The following SLIT3 variants were observed in gnomAD, a reference collection of about 807,000 sequenced individuals.
The protein encoded by SLIT3 is slit guidance ligand 3.
SLIT3 carries 68 observed loss-of-function variants against 184.0 expected under a neutral mutation model. The ratio of observed to expected loss-of-function variants is 0.37; its 90% CI spans 0.30 to 0.45. The LOEUF (loss-of-function observed/expected upper bound fraction) is 0.45, where lower values mean the gene tolerates loss of function less well. Ranked by LOEUF, SLIT3 falls within the 20% of genes least tolerant of loss-of-function variation. The pLI is 1.00. For missense variants in SLIT3, 1,707 were observed against 2,026.0 expected (o/e 0.84, Z 3.02); for synonymous variants, 831 against 828.6 (o/e 1.00, Z -0.05).
intron 4 of SLIT3, among the ~76,000 whole-genome samples, chr5:169,189,553 TA>T (rs1763476559): frequency 4.5e-5 from 4 of 89,882 alleles, no homozygotes; most frequent in African/African-American, 1.8e-4. Context: ...TATATATATA[TA>T]TATATATATA....
Position 168,868,787 on chromosome 5 carries a change from A to G in SLIT3, c.485+14478T>C, listed in dbSNP as rs561664801. 2.0e-5 allele frequency among the ~76,000 whole-genome samples: 3 copies of G among 151,998 alleles called. No individual in the cohort carries two copies. In the South Asian group the frequency reaches 6.2e-4, roughly 32 times the overall value. On this transcript the variant is annotated intron_variant, in intron 5 of 35. Coordinates refer to ENST00000519560, the MANE Select transcript of SLIT3 (RefSeq NM_003062.4). ...AAAAAGAAAAAGAAAAAGAAAAAGAAAGGCAAAAATTATGGTTTGGTTAAG... is the reference window on the plus strand; with the variant it reads ...AAAAAGAAAAAGAAAAAGAAAAAGAGAGGCAAAAATTATGGTTTGGTTAAG...
intron 32 of SLIT3, among the ~76,000 whole-genome samples, chr5:168,676,717 G>A (rs1340613009): frequency 7.4e-6 from 1 of 135,242 alleles, no homozygotes; most frequent in East Asian, 2.2e-4. Flanking sequence ...CACCCTGGAG[G>A]TGTGTCAACA....
intron 4 of SLIT3, among the ~76,000 whole-genome samples, chr5:169,190,273 T>C (rs919991470): frequency 6.6e-6 from 1 of 152,248 alleles, no homozygotes; most frequent in African/African-American, 2.4e-5. Context: ...CCAGGATCTC[T>C]GAATTAGTGC....
intron 3 of SLIT3, 131 bp from the exon 4 acceptor site, chr5:169,193,681 G>A (rs1763638667): frequency 1.3e-6 from 1 of 753,310 alleles, no homozygotes; most frequent in African/African-American, 1.7e-5. Context: ...TTCAGTATGG[G>A]CTGCTCAACA....
chr5:168,798,674 G>A (rs1756662657), intron 9 of SLIT3, among the ~76,000 whole-genome samples: 1 of 152,098 alleles, frequency 6.6e-6, no homozygotes, highest in Non-Finnish European at 1.5e-5. Context: ...GTCTGCAGTG[G>A]GAGCGTGGTT....
chr5:169,177,116 G>T (rs892000117), intron 4 of SLIT3, among the ~76,000 whole-genome samples: 8 of 152,110 alleles, frequency 5.3e-5, no homozygotes, highest in African/African-American at 1.9e-4. Context: ...TAAATGGAGG[G>T]TGCATTTCTC....
intron 20 of SLIT3, among the ~76,000 whole-genome samples, chr5:168,743,039 G>A (rs1763685307): frequency 6.6e-6 from 1 of 152,162 alleles, no homozygotes; most frequent in South Asian, 2.1e-4. Context: ...GGCTAAGCCA[G>A]GAAAATGGCA....
intron 11 of SLIT3, 140 bp downstream of exon 11, chr5:168,789,418 TTG>T: frequency 1.7e-6 from 1 of 605,036 alleles, no homozygotes; most frequent in Non-Finnish European, 3.0e-6. Context: ...GAAGAAATAT[TTG>T]TTTCTTTTAC....
intron 4 of SLIT3, among the ~76,000 whole-genome samples, chr5:168,926,074 G>A (rs1417991724): frequency 6.6e-6 from 1 of 152,076 alleles, no homozygotes; most frequent in Non-Finnish European, 1.5e-5. Context: ...TCGGAATTCA[G>A]GATAGCCAAA....
intron 4 of SLIT3, among the ~76,000 whole-genome samples, chr5:169,106,812 GT>G (rs777981066): frequency 5.9e-5 from 9 of 152,184 alleles, no homozygotes; most frequent in Non-Finnish European, 1.3e-4. Flanking sequence ...CCATCCTTAT[GT>G]TGAACTTCAA....
intron 4 of SLIT3, among the ~76,000 whole-genome samples, chr5:169,173,592 T>C (rs1160195019): frequency 1.3e-5 from 2 of 152,194 alleles, no homozygotes; most frequent in Non-Finnish European, 2.9e-5. Flanking sequence ...TGTTCTAATC[T>C]GGGCAGTTAC....
chr5:168,883,991 T>C (rs2113792504), intron 4 of SLIT3, among the ~76,000 whole-genome samples: 1 of 152,266 alleles, frequency 6.6e-6, no homozygotes, highest in Non-Finnish European at 1.5e-5. Flanking sequence ...TGCCAGCATG[T>C]TGCTTTGAGG....
At chr5:169,211,243 GA>G (rs140776774) in intron 3 of SLIT3, among the ~76,000 whole-genome samples, 7,824 of 152,224 alleles carry the variant, frequency 0.051, 223 homozygotes, top group South Asian at 0.12. Context: ...TGTCTGGCTA[GA>G]AAGGAAAACT....
intron 4 of SLIT3, among the ~76,000 whole-genome samples, chr5:169,151,351 A>AG (rs983236215): frequency 4.6e-5 from 7 of 152,088 alleles, no homozygotes; most frequent in African/African-American, 1.4e-4. Context: ...CTCATTTCTG[A>AG]GACTTCCCTG....
chr5:168,913,565 C>T (rs576201831), intron 4 of SLIT3, among the ~76,000 whole-genome samples: 4 of 152,046 alleles, frequency 2.6e-5, no homozygotes, highest in South Asian at 2.1e-4. Context: ...GTCAGGAGTT[C>T]GAGACCAGCC....
intron 4 of SLIT3, among the ~76,000 whole-genome samples, chr5:169,109,421 A>G (rs1296592084): frequency 6.6e-6 from 1 of 152,244 alleles, no homozygotes; most frequent in Admixed American, 6.5e-5. Flanking sequence ...TCAAGCCTCC[A>G]GATGAAAATG....
chr5:168,747,177 C>A lies in SLIT3; in HGVS notation c.2270+1125G>T, dbSNP rs117661080. Among the ~76,000 whole-genome samples the A allele has an allele frequency of 1.1e-4, 16 of 152,256 alleles. No homozygotes were observed. In the East Asian group the frequency reaches 2.1e-3, roughly 20 times the overall value. On this transcript the variant is annotated intron_variant, in intron 20 of 35. Coordinates refer to ENST00000519560, the MANE Select transcript of SLIT3 (RefSeq NM_003062.4). The stretch of plus-strand genomic sequence containing the variant: ...GACCTGCCCCTCACCCCTCAGATTG[C>A]GGCTCTAGCATCATTTCACCAGGGC...
At chr5:168,987,388 T>C (rs1165473808) in intron 4 of SLIT3, among the ~76,000 whole-genome samples, 2 of 152,238 alleles carry the variant, frequency 1.3e-5, no homozygotes, top group East Asian at 1.9e-4. Context: ...TCTAGCAGTA[T>C]AGCCTAGTGG....
chr5:169,026,283 A>T (rs1756819726), intron 4 of SLIT3: 1 of 152,222 alleles, frequency 6.6e-6, no homozygotes, highest in Non-Finnish European at 1.5e-5. Context: ...CCTGAAATAG[A>T]CAAAGTATGT....
Sources: gnomAD v4.1 joint callset for allele counts (sites outside exome capture counted in the v4.1 genomes callset) on GRCh38, gnomAD v4.1.1 for gene constraint, MANE v1.5 for transcripts, NCBI Gene and HGNC (gene_info 2026-07-23, HGNC 2026-07-21) for gene names.